CDKAL1: variants seen among roughly 807,000 people sequenced by gnomAD.
The protein encoded by CDKAL1 is CDKAL1 threonylcarbamoyladenosine tRNA methylthiotransferase.
Under a neutral mutation model 68.2 loss-of-function variants are expected in CDKAL1, and 32 were observed. The ratio of observed to expected loss-of-function variants is 0.47; its 90% CI spans 0.35 to 0.63. CDKAL1 has a LOEUF of 0.63. CDKAL1 is among the 30% of genes least tolerant of loss of function. The probability of loss-of-function intolerance (pLI) is 0.00; values close to 1 mark genes in which losing one functional copy is unlikely to be tolerated. For missense variants in CDKAL1, 606 were observed against 696.7 expected, an observed-to-expected ratio of 0.87 and a Z score of 1.47; for synonymous variants, 234 against 244.3, an observed-to-expected ratio of 0.96 and a Z score of 0.39.
At chr6:21,204,404 T>C (rs546155892) in intron 15 of CDKAL1, among the ~76,000 whole-genome samples, 1 of 152,316 alleles carries the variant, frequency 6.6e-6, no homozygotes, top group Admixed American at 6.5e-5. Context: ...TTATTTCATC[T>C]AGAAATATAC....
At chr6:20,585,217 A>G (rs961006287) in intron 4 of CDKAL1, among the ~76,000 whole-genome samples, 1 of 151,556 alleles carries the variant, frequency 6.6e-6, no homozygotes, top group African/African-American at 2.4e-5. Flanking sequence ...CCACCATGCT[A>G]ATTTTTTTTT....
At chr6:20,850,210 A>C (rs752308798) in intron 9 of CDKAL1, among the ~76,000 whole-genome samples, 1 of 152,284 alleles carries the variant, frequency 6.6e-6, no homozygotes, top group Non-Finnish European at 1.5e-5. Context: ...ATATGCCACC[A>C]ATAAATTGTA....
intron 9 of CDKAL1, among the ~76,000 whole-genome samples, chr6:20,859,440 A>C (rs1759501814): frequency 6.6e-6 from 1 of 152,180 alleles, no homozygotes; most frequent in Non-Finnish European, 1.5e-5. Flanking sequence ...GCGGAATAGG[A>C]GGAAGCCTTT....
At chr6:21,178,827 C>A (rs539192026) in intron 13 of CDKAL1, among the ~76,000 whole-genome samples, 1 of 152,188 alleles carries the variant, frequency 6.6e-6, no homozygotes, top group Admixed American at 6.5e-5. Context: ...AGAGGACTTA[C>A]CTAAGCACAG....
At chr6:21,073,636 A>G (rs1321763188) in intron 12 of CDKAL1, among the ~76,000 whole-genome samples, 1 of 152,072 alleles carries the variant, frequency 6.6e-6, no homozygotes, top group Non-Finnish European at 1.5e-5. Flanking sequence ...TATTTGCCAT[A>G]TGTATGTTTT....
chr6:20,675,896 T>C (rs961523886), intron 5 of CDKAL1, among the ~76,000 whole-genome samples: 1 of 152,172 alleles, frequency 6.6e-6, no homozygotes, highest in African/African-American at 2.4e-5. Flanking sequence ...AAGTGTATTA[T>C]TGCCCCTGAA....
chr6:20,738,485 G>GTTTTT (rs71712438), intron 5 of CDKAL1, among the ~76,000 whole-genome samples: 5 of 119,644 alleles, frequency 4.2e-5, no homozygotes, highest in South Asian at 2.8e-4. Flanking sequence ...CTACTTCTTA[G>GTTTTT]TTTTTTTTTT....
At chr6:20,820,794 G>A (rs2150441140) in intron 8 of CDKAL1, among the ~76,000 whole-genome samples, 1 of 152,234 alleles carries the variant, frequency 6.6e-6, no homozygotes, top group South Asian at 2.1e-4. Context: ...TGTTTGAGGT[G>A]TTAGGGATAT....
chr6:20,877,901 C>G (rs367856525), intron 9 of CDKAL1, among the ~76,000 whole-genome samples: 26 of 152,260 alleles, frequency 1.7e-4, no homozygotes, highest in African/African-American at 6.0e-4. Flanking sequence ...CTAACCACCC[C>G]ACTTCCTGCT....
chr6:21,199,665 G>T (rs2151107597), intron 14 of CDKAL1, among the ~76,000 whole-genome samples: 1 of 152,288 alleles, frequency 6.6e-6, no homozygotes, highest in East Asian at 1.9e-4. Context: ...AAAACACTGA[G>T]CCCTTCATTC....
At chr6:21,192,012 T>C (rs1778266726) in intron 13 of CDKAL1, among the ~76,000 whole-genome samples, 4 of 82,582 alleles carry the variant, frequency 4.8e-5, no homozygotes, top group South Asian at 9.8e-4. Context: ...TTTTTTTTTT[T>C]TTTTTTTTTT....
intron 9 of CDKAL1, among the ~76,000 whole-genome samples, chr6:20,936,883 C>T (rs1160805807): frequency 6.6e-6 from 1 of 152,114 alleles, no homozygotes; most frequent in East Asian, 1.9e-4. Flanking sequence ...TTGGCCCTGC[C>T]TTACTTAAAT....
chr6:21,152,665 GTAATGATTATTTATGTT>G (rs1562075073), intron 13 of CDKAL1, among the ~76,000 whole-genome samples: 2 of 152,150 alleles, frequency 1.3e-5, no homozygotes, highest in South Asian at 4.1e-4. Context: ...TTTACTGCCC[GTAATGATTATTTATGTT>G]TTATATGTAA....
chr6:20,913,116 TACACACACAC>T (rs70990080), intron 9 of CDKAL1, among the ~76,000 whole-genome samples: 4,853 of 136,476 alleles, frequency 0.036, 241 homozygotes, highest in African/African-American at 0.12. Context: ...CACAGTTGTT[TACACACACAC>T]ACACACACAC....
intron 4 of CDKAL1, among the ~76,000 whole-genome samples, chr6:20,633,369 A>G (rs1434869086): frequency 6.6e-6 from 1 of 152,132 alleles, no homozygotes; most frequent in African/African-American, 2.4e-5. Context: ...TCAGCACTTC[A>G]TTTCTTTTGA....
At chr6:21,117,708 A>G (rs1157797840) in intron 13 of CDKAL1, among the ~76,000 whole-genome samples, 1 of 152,202 alleles carries the variant, frequency 6.6e-6, no homozygotes, top group Admixed American at 6.5e-5. Flanking sequence ...TGGAAACCCT[A>G]GTTGCGTGAG....
intron 13 of CDKAL1, among the ~76,000 whole-genome samples, chr6:21,172,083 G>A (rs1354928383): frequency 6.6e-6 from 1 of 152,038 alleles, no homozygotes; most frequent in Non-Finnish European, 1.5e-5. Flanking sequence ...ATATTTTAAG[G>A]GAACATGGAC....
intron 11 of CDKAL1, among the ~76,000 whole-genome samples, chr6:21,053,241 T>A (rs968938983): frequency 1.3e-5 from 2 of 152,242 alleles, no homozygotes; most frequent in Non-Finnish European, 2.9e-5. Context: ...CAATCCTTCG[T>A]GTCTTTCATT....
At chr6:20,988,262 T>A (rs1053834265) in intron 10 of CDKAL1, among the ~76,000 whole-genome samples, 2 of 151,080 alleles carry the variant, frequency 1.3e-5, no homozygotes, top group Non-Finnish European at 1.5e-5. Context: ...TTGTTTAATT[T>A]GAGCCCTCAA....
Sources: allele counts gnomAD v4.1 joint callset (sites outside exome capture counted in the v4.1 genomes callset), GRCh38; gene constraint gnomAD v4.1.1; transcripts MANE v1.5; gene names NCBI Gene and HGNC (gene_info 2026-07-23, HGNC 2026-07-21).